DLGAP2: variants seen among roughly 807,000 people sequenced by gnomAD.
DLGAP2 encodes DLG associated protein 2, also known as disks large-associated protein 2.
DLGAP2 carries 26 observed loss-of-function variants against 100.3 expected under a neutral mutation model. The ratio of observed to expected loss-of-function variants is 0.26; its 90% confidence interval spans 0.19 to 0.36. DLGAP2 has a LOEUF of 0.36. DLGAP2 is among the 10% of genes least tolerant of loss of function. The probability of loss-of-function intolerance (pLI) is 1.00; values close to 1 mark genes in which losing one functional copy is unlikely to be tolerated. For synonymous variants in DLGAP2, 886 were observed against 630.1 expected (o/e 1.41, Z -6.08); for missense variants, 1,858 against 1,453.2 (o/e 1.28, Z -4.53).
Position 810,990 on chromosome 8 carries a change from G to C in DLGAP2, c.18+73165G>C, listed in dbSNP as rs190879508. 1.4e-3 allele frequency among the ~76,000 whole-genome samples: 217 copies of C among 152,272 alleles called. 1 individual carries two copies. Among genetic ancestry groups the C allele is most frequent in the Non-Finnish European group, 2.4e-3 (161 of 68,004 alleles). Reference sequence around the variant, plus strand: ...GAGCGTACGGCGGGGTGAACTTGAGGCTGTGAGCTTGGATGGCCACCGTGT... The same window carrying C: ...GAGCGTACGGCGGGGTGAACTTGAGCCTGTGAGCTTGGATGGCCACCGTGT... On this transcript the variant is annotated intron_variant, in intron 1 of 14. Coordinates refer to ENST00000637795, the MANE Select transcript of DLGAP2 (RefSeq NM_001346810.2).
intron 4 of DLGAP2, among the ~76,000 whole-genome samples, chr8:1,507,225 G>C (rs572781273): frequency 5.6e-4 from 86 of 152,344 alleles, no homozygotes; most frequent in African/African-American, 1.9e-3. Flanking sequence ...CCATCAGGGA[G>C]GCTTGGGCCG....
chr8:1,267,084 T>C (rs1405130336), intron 3 of DLGAP2, among the ~76,000 whole-genome samples: 1 of 151,106 alleles, frequency 6.6e-6, no homozygotes, highest in Non-Finnish European at 1.5e-5. Context: ...AAAACAAAAT[T>C]AGCCAGGCGT....
intron 8 of DLGAP2, among the ~76,000 whole-genome samples, chr8:1,637,225 G>A (rs572302435): frequency 2.1e-4 from 32 of 152,116 alleles, no homozygotes; most frequent in Admixed American, 9.2e-4. Flanking sequence ...GCTTCCCTGC[G>A]GAGTTAAAAT....
At chr8:1,457,590 C>A (rs1267857960) in intron 3 of DLGAP2, among the ~76,000 whole-genome samples, 1 of 152,198 alleles carries the variant, frequency 6.6e-6, no homozygotes, top group African/African-American at 2.4e-5. Context: ...AAACCAGCTT[C>A]ATTTTGAAAT....
intron 13 of DLGAP2, among the ~76,000 whole-genome samples, chr8:1,694,984 G>A (rs762774842): frequency 1.3e-5 from 2 of 152,272 alleles, no homozygotes; most frequent in African/African-American, 4.8e-5. Context: ...GTGCCCGTCC[G>A]GCCCCAGCAT....
chr8:788,101 C>G (rs541928924), intron 1 of DLGAP2, among the ~76,000 whole-genome samples: 1 of 152,198 alleles, frequency 6.6e-6, no homozygotes, highest in Non-Finnish European at 1.5e-5. Context: ...GGTCTCCCCC[C>G]ACCAGGAGAT....
chr8:765,141 G>C (rs979277163), intron 1 of DLGAP2, among the ~76,000 whole-genome samples: 3 of 152,146 alleles, frequency 2.0e-5, no homozygotes, highest in African/African-American at 7.2e-5. Context: ...CCACGCCCAG[G>C]TTTCAGGATG....
intron 1 of DLGAP2, among the ~76,000 whole-genome samples, chr8:746,110 G>T (rs1306520526): frequency 1.3e-5 from 2 of 152,326 alleles, no homozygotes; most frequent in African/African-American, 4.8e-5. Context: ...AAGGCCGGGG[G>T]TGCGTCGCTG....
chr8:880,237 C>T (rs1442592107), intron 1 of DLGAP2, among the ~76,000 whole-genome samples: 2 of 152,196 alleles, frequency 1.3e-5, no homozygotes, highest in African/African-American at 4.8e-5. Flanking sequence ...TTTTTGACCA[C>T]ATCCTCCTAA....
chr8:1,485,492 G>C (rs1307994783), intron 3 of DLGAP2, among the ~76,000 whole-genome samples: 1 of 152,262 alleles, frequency 6.6e-6, no homozygotes, highest in Non-Finnish European at 1.5e-5. Context: ...GGACTCGCTG[G>C]ATGCAGATTT....
intron 3 of DLGAP2, among the ~76,000 whole-genome samples, chr8:1,436,354 C>G (rs1454674035): frequency 6.6e-6 from 1 of 152,204 alleles, no homozygotes; most frequent in African/African-American, 2.4e-5. Flanking sequence ...ATGGGAGAAA[C>G]ATGGAGGCTG....
intron 3 of DLGAP2, among the ~76,000 whole-genome samples, chr8:1,371,067 C>G (rs1802225029): frequency 6.6e-6 from 1 of 152,236 alleles, no homozygotes; most frequent in Non-Finnish European, 1.5e-5. Flanking sequence ...GGAAGCAGCC[C>G]TGGCTGAGGC....
intron 1 of DLGAP2, among the ~76,000 whole-genome samples, chr8:905,539 G>C (rs1451282123): frequency 6.6e-6 from 1 of 152,176 alleles, no homozygotes; most frequent in Non-Finnish European, 1.5e-5. Flanking sequence ...AGGTCTGATT[G>C]CCTGAGTCCA....
intron 2 of DLGAP2, among the ~76,000 whole-genome samples, chr8:1,051,999 C>G (rs1802728160): frequency 6.6e-6 from 1 of 152,158 alleles, no homozygotes; most frequent in Non-Finnish European, 1.5e-5. Context: ...ACATTCTACC[C>G]ACAATGGGAT....
chr8:1,001,505 A>G (rs1474960317), intron 2 of DLGAP2, among the ~76,000 whole-genome samples: 3 of 152,362 alleles, frequency 2.0e-5, no homozygotes, highest in Admixed American at 6.5e-5. Flanking sequence ...GCTTTTGATT[A>G]TAAAACACTG....
intron 2 of DLGAP2, among the ~76,000 whole-genome samples, chr8:946,269 GTTT>G (rs767524745): frequency 7.1e-6 from 1 of 140,182 alleles, no homozygotes; most frequent in Non-Finnish European, 1.6e-5. Context: ...TGTTTCTTAG[GTTT>G]TTTTTTTTTT....
intron 2 of DLGAP2, among the ~76,000 whole-genome samples, chr8:1,006,316 G>T (rs1432447202): frequency 6.6e-6 from 1 of 152,210 alleles, no homozygotes; most frequent in Admixed American, 6.5e-5. Context: ...TGAAGTCTCA[G>T]AATACGGTCC....
chr8:1,669,685 C>G (rs574658802), intron 9 of DLGAP2, 58 bp from the exon 10 acceptor site: 1 of 780,250 alleles, frequency 1.3e-6, no homozygotes, highest in Non-Finnish European at 2.4e-6. Context: ...GGGAGCCGCC[C>G]GCTGGTCCAG....
At chr8:1,383,275 A>C (rs1796137649) in intron 3 of DLGAP2, among the ~76,000 whole-genome samples, 1 of 152,252 alleles carries the variant, frequency 6.6e-6, no homozygotes. Flanking sequence ...GGTTTGGAGA[A>C]TATGTTACAG....
Sources: allele counts gnomAD v4.1 joint callset (sites outside exome capture counted in the v4.1 genomes callset), GRCh38; gene constraint gnomAD v4.1.1; transcripts MANE v1.5; gene names NCBI Gene and HGNC (gene_info 2026-07-23, HGNC 2026-07-21).